Variants in MAP2 observed in about 807,000 individuals in gnomAD.
MAP2 encodes microtubule-associated protein 2.
A neutral mutation model predicts 137.6 loss-of-function variants in MAP2; 14 were observed. The observed-to-expected ratio is 0.10, with a 90% CI of 0.07 to 0.16. The LOEUF (loss-of-function observed/expected upper bound fraction) is 0.16, where lower values mean the gene tolerates loss of function less well. Ranked by LOEUF, MAP2 falls within the 10% of genes least tolerant of loss-of-function variation. The pLI, the probability that MAP2 is intolerant of heterozygous loss-of-function variation, is 1.00. For synonymous variants in MAP2, 786 were observed against 782.3 expected (o/e 1.00, Z -0.08); for missense variants, 2,088 against 2,191.5 (o/e 0.95, Z 0.94).
At chr2:209,552,235 T>G (rs1039640207) in intron 2 of MAP2, among the ~76,000 whole-genome samples, 2 of 152,162 alleles carry the variant, frequency 1.3e-5, no homozygotes, top group South Asian at 2.1e-4. Context: ...AAACTTTTTT[T>G]TTGTTGTTAT....
chr2:209,556,163 C>A (rs2070586109), intron 2 of MAP2, among the ~76,000 whole-genome samples: 1 of 151,582 alleles, frequency 6.6e-6, no homozygotes, highest in Admixed American at 6.6e-5. Flanking sequence ...ACCTCAGCCT[C>A]CCAAGTAGCT....
chr2:209,556,589 G>T lies in MAP2; in HGVS notation c.-171-23447G>T, dbSNP rs545189380. On this transcript the variant is annotated intron_variant, in intron 2 of 15. Transcript: ENST00000682079. Reference sequence around the variant, plus strand: ...AGAGAAATGTGAGGCCTAAACATGGGTGCCAGATTTCAACCTGAAACACCT... The same window carrying T: ...AGAGAAATGTGAGGCCTAAACATGGTTGCCAGATTTCAACCTGAAACACCT... 4.6e-5 allele frequency among the ~76,000 whole-genome samples: 7 copies of T among 151,400 alleles called. No individual in the cohort carries two copies. The South Asian group carries it at 1.5e-3, about 32-fold the overall frequency.
intron 5 of MAP2, among the ~76,000 whole-genome samples, chr2:209,655,434 T>G (rs2095079576): frequency 6.6e-6 from 1 of 152,214 alleles, no homozygotes; most frequent in Non-Finnish European, 1.5e-5. Flanking sequence ...TAGAAATCTT[T>G]AGAAAAAGGA....
chr2:209,512,444 A>G (rs1383277884), intron 2 of MAP2, among the ~76,000 whole-genome samples: 1 of 151,840 alleles, frequency 6.6e-6, no homozygotes, highest in African/African-American at 2.4e-5. Context: ...TAGATTTTAC[A>G]TGTGTAATAA....
At chr2:209,468,435 T>C (rs1189057146) in intron 1 of MAP2, among the ~76,000 whole-genome samples, 1 of 146,322 alleles carries the variant, frequency 6.8e-6, no homozygotes, top group Non-Finnish European at 1.5e-5. Context: ...TTTTCCTGCC[T>C]CAGCCTCCCG....
chr2:209,541,560 C>T (rs967106191), intron 2 of MAP2, among the ~76,000 whole-genome samples: 4 of 144,958 alleles, frequency 2.8e-5, no homozygotes, highest in Admixed American at 2.0e-4. Context: ...AACCACAGAA[C>T]GTCAAATTTG....
intron 5 of MAP2, among the ~76,000 whole-genome samples, chr2:209,660,529 A>G (rs1379723284): frequency 7.0e-6 from 1 of 142,180 alleles, no homozygotes; most frequent in African/African-American, 2.6e-5. Flanking sequence ...AATAGCTGGG[A>G]CTACAGGCGC....
At chr2:209,542,330 C>T (rs1194928834) in intron 2 of MAP2, among the ~76,000 whole-genome samples, 1 of 152,194 alleles carries the variant, frequency 6.6e-6, no homozygotes, top group Admixed American at 6.5e-5. Flanking sequence ...TTTACATCAT[C>T]CAGGTGGTTC....
intron 1 of MAP2, among the ~76,000 whole-genome samples, chr2:209,478,348 C>T (rs965276928): frequency 1.3e-5 from 2 of 152,092 alleles, no homozygotes; most frequent in Non-Finnish European, 2.9e-5. Context: ...TATTATCTAC[C>T]TCATACATTT....
intron 1 of MAP2, among the ~76,000 whole-genome samples, chr2:209,436,727 G>T (rs73065184): frequency 0.019 from 2,875 of 151,670 alleles, 107 homozygotes; most frequent in African/African-American, 0.065. Flanking sequence ...CCACTAGCTT[G>T]GTTTTGGAAT....
At chr2:209,559,229 T>TTCCC (rs889863767) in intron 2 of MAP2, among the ~76,000 whole-genome samples, 4 of 152,022 alleles carry the variant, frequency 2.6e-5, no homozygotes, top group East Asian at 3.9e-4. Context: ...CGACGCCTCC[T>TTCCC]TCCCTCCCTC....
intron 2 of MAP2, among the ~76,000 whole-genome samples, chr2:209,522,085 A>G (rs925069812): frequency 2.6e-5 from 4 of 152,136 alleles, no homozygotes; most frequent in Non-Finnish European, 2.9e-5. Context: ...CTCATACTGG[A>G]TATAGAACAA....
intron 3 of MAP2, among the ~76,000 whole-genome samples, chr2:209,622,349 A>G (rs1344555429): frequency 6.6e-6 from 1 of 152,206 alleles, no homozygotes; most frequent in African/African-American, 2.4e-5. Context: ...GAAGACCTAA[A>G]ACCAATTCTC....
intron 4 of MAP2, among the ~76,000 whole-genome samples, chr2:209,627,631 A>AC (rs2092519441): frequency 6.6e-6 from 1 of 152,054 alleles, no homozygotes; most frequent in Non-Finnish European, 1.5e-5. Flanking sequence ...AATTGGAAAA[A>AC]CCTAATCTGT....
At chr2:209,596,097 A>G (rs1037426525) in intron 3 of MAP2, among the ~76,000 whole-genome samples, 6 of 152,194 alleles carry the variant, frequency 3.9e-5, no homozygotes, top group Non-Finnish European at 8.8e-5. Flanking sequence ...TAGAACTTAA[A>G]GTATAATTTT....
intron 2 of MAP2, among the ~76,000 whole-genome samples, chr2:209,514,757 A>G (rs562734976): frequency 4.6e-5 from 7 of 152,262 alleles, no homozygotes; most frequent in African/African-American, 7.2e-5. Context: ...TTGTTCCTCT[A>G]TAAATCAACG....
chr2:209,440,369 C>G (rs1697456193), intron 1 of MAP2, among the ~76,000 whole-genome samples: 1 of 151,442 alleles, frequency 6.6e-6, no homozygotes, highest in Admixed American at 6.6e-5. Context: ...ATCTGTTTCT[C>G]TTAAAAAGAA....
At chr2:209,668,609 A>G (rs955888194) in intron 5 of MAP2, among the ~76,000 whole-genome samples, 1 of 152,066 alleles carries the variant, frequency 6.6e-6, no homozygotes, top group African/African-American at 2.4e-5. Context: ...TACTGTCATA[A>G]TGGCATCGAA....
rs1268836294 is a variant in MAP2, at chr2:209,690,736, G to A, written c.455-1889G>A. On this transcript the variant is annotated intron_variant, in intron 7 of 15. Transcript: ENST00000682079. ...AGGGCCAAATGGAGTCTAGTGCGGAGGCCCAAATAGTTCCCGAAGAGAGTG... is the reference window on the plus strand; with the variant it reads ...AGGGCCAAATGGAGTCTAGTGCGGAAGCCCAAATAGTTCCCGAAGAGAGTG... 3.1e-6 allele frequency: 4 copies of A among 1,289,692 alleles called. No homozygotes were observed. In the Admixed American group the frequency reaches 9.2e-5, roughly 30 times the overall value. The allele number at this position is 1,289,692 out of a possible 1,614,324, so 79.9% of individuals were successfully genotyped here.
Sources: allele counts gnomAD v4.1 joint callset (sites outside exome capture counted in the v4.1 genomes callset), GRCh38; gene constraint gnomAD v4.1.1; transcripts MANE v1.5; gene names NCBI Gene and HGNC (gene_info 2026-07-23, HGNC 2026-07-21).